Variants in PRKG1 observed in about 807,000 individuals in gnomAD.
PRKG1 encodes cGMP-dependent protein kinase 1.
PRKG1 carries 35 observed loss-of-function variants against 88.1 expected under a neutral mutation model. That is an observed-to-expected ratio of 0.40 (90% confidence interval 0.30 to 0.53). The LOEUF (loss-of-function observed/expected upper bound fraction) is 0.53, where lower values mean the gene tolerates loss of function less well. PRKG1 is among the 20% of genes least tolerant of loss of function. The probability of loss-of-function intolerance (pLI) is 0.59; values close to 1 mark genes in which losing one functional copy is unlikely to be tolerated. For synonymous variants in PRKG1, 303 were observed against 292.5 expected (o/e 1.04, Z -0.37); for missense variants, 540 against 839.8 (o/e 0.64, Z 4.41).
At chr10:51,262,593 CGCT>C (rs1312921486) in intron 2 of PRKG1, among the ~76,000 whole-genome samples, 1 of 152,132 alleles carries the variant, frequency 6.6e-6, no homozygotes, top group Non-Finnish European at 1.5e-5. Flanking sequence ...TCCATTCTCT[CGCT>C]GCTATTAAAA....
At chr10:51,132,717 A>G (rs1436077038) in intron 1 of PRKG1, among the ~76,000 whole-genome samples, 9 of 147,848 alleles carry the variant, frequency 6.1e-5, no homozygotes, top group African/African-American at 9.8e-5. Flanking sequence ...TGTTATATAT[A>G]TATTATATAT....
chr10:51,924,729 G>A (rs76730326), intron 5 of PRKG1, among the ~76,000 whole-genome samples: 2 of 102,700 alleles, frequency 1.9e-5, no homozygotes, highest in Non-Finnish European at 4.1e-5. Flanking sequence ...TTTTTTTTTT[G>A]TCATTCCTGT....
intron 5 of PRKG1, among the ~76,000 whole-genome samples, chr10:51,927,503 C>A (rs144244015): frequency 6.6e-6 from 1 of 152,114 alleles, no homozygotes; most frequent in Non-Finnish European, 1.5e-5. Flanking sequence ...GAAACCTGCA[C>A]GTTAAATAGT....
intron 3 of PRKG1, among the ~76,000 whole-genome samples, chr10:51,567,080 A>G (rs1462986977): frequency 6.6e-6 from 1 of 152,112 alleles, no homozygotes; most frequent in East Asian, 1.9e-4. Flanking sequence ...TTTATAAATG[A>G]TACCACAATA....
At chr10:52,157,775 C>T (rs190475826) in intron 8 of PRKG1, among the ~76,000 whole-genome samples, 1 of 151,470 alleles carries the variant, frequency 6.6e-6, no homozygotes, top group East Asian at 1.9e-4. Flanking sequence ...TTCACTCTTT[C>T]CTTCTTCCCT....
intron 2 of PRKG1, among the ~76,000 whole-genome samples, chr10:51,457,022 G>T (rs539993234): frequency 1.3e-5 from 2 of 152,304 alleles, no homozygotes; most frequent in African/African-American, 2.4e-5. Context: ...ATGGAAAACA[G>T]TATGGGGATT....
chr10:51,561,652 G>A (rs117386644), intron 3 of PRKG1, among the ~76,000 whole-genome samples: 3,425 of 152,122 alleles, frequency 0.023, 52 homozygotes, highest in Middle Eastern at 0.044. Flanking sequence ...GTGGGGAGAG[G>A]AAAGTGGGGA....
chr10:51,016,737 C>T (rs559324692), intron 1 of PRKG1, among the ~76,000 whole-genome samples: 9 of 118,724 alleles, frequency 7.6e-5, no homozygotes, highest in African/African-American at 1.3e-4. Flanking sequence ...GGCGCGATCT[C>T]GGCTCACTGG....
chr10:52,068,845 G>A (rs11000679), intron 7 of PRKG1, among the ~76,000 whole-genome samples: 26,288 of 152,116 alleles, frequency 0.17, 2,860 homozygotes, highest in South Asian at 0.28. Context: ...ATTGAACTAG[G>A]TGATCTTTAA....
At chr10:51,826,060 G>C (rs761918155) in intron 4 of PRKG1, among the ~76,000 whole-genome samples, 11 of 152,104 alleles carry the variant, frequency 7.2e-5, no homozygotes, top group Admixed American at 3.3e-4. Context: ...AAGCTATTAG[G>C]GTAAGGGGCC....
chr10:51,285,783 T>A (rs1370575426), intron 2 of PRKG1, among the ~76,000 whole-genome samples: 2 of 152,098 alleles, frequency 1.3e-5, no homozygotes, highest in Non-Finnish European at 2.9e-5. Context: ...CAAAGTGATA[T>A]GCACAGAGGT....
At chr10:52,240,664 T>C (rs1840836702) in intron 9 of PRKG1, among the ~76,000 whole-genome samples, 1 of 152,142 alleles carries the variant, frequency 6.6e-6, no homozygotes, top group Non-Finnish European at 1.5e-5. Flanking sequence ...ATTCATTTGA[T>C]TAACGCACCG....
chr10:52,108,995 T>C (rs890938382), intron 7 of PRKG1, among the ~76,000 whole-genome samples: 3 of 151,932 alleles, frequency 2.0e-5, no homozygotes, highest in African/African-American at 7.3e-5. Flanking sequence ...ACCCAGCTAA[T>C]TTTTGTATTT....
At chr10:51,059,396 T>G (rs1843669595) in intron 1 of PRKG1, among the ~76,000 whole-genome samples, 1 of 152,122 alleles carries the variant, frequency 6.6e-6, no homozygotes, top group Non-Finnish European at 1.5e-5. Flanking sequence ...ATTCATTTAT[T>G]CATTTATTTA....
intron 5 of PRKG1, among the ~76,000 whole-genome samples, chr10:52,033,464 G>C (rs1845522351): frequency 6.6e-6 from 1 of 151,936 alleles, no homozygotes; most frequent in Non-Finnish European, 1.5e-5. Flanking sequence ...TCTCTTTCTG[G>C]GTTCCATTGC....
intron 4 of PRKG1, among the ~76,000 whole-genome samples, chr10:51,817,424 C>A (rs776705494): frequency 2.7e-5 from 4 of 150,466 alleles, no homozygotes; most frequent in African/African-American, 9.7e-5. Flanking sequence ...GTTCAACTCC[C>A]GCTTATGAGT....
At chr10:51,120,425 A>G (rs781365690) in intron 1 of PRKG1, among the ~76,000 whole-genome samples, 1 of 152,108 alleles carries the variant, frequency 6.6e-6, no homozygotes, top group Non-Finnish European at 1.5e-5. Flanking sequence ...CACATATATC[A>G]CTATTTTTTT....
intron 3 of PRKG1, among the ~76,000 whole-genome samples, chr10:51,801,266 G>A (rs369931210): frequency 1.3e-5 from 2 of 152,090 alleles, no homozygotes; most frequent in East Asian, 1.9e-4. Flanking sequence ...GCATGGCCGT[G>A]TTCCAGTAAG....
chr10:51,855,066 G>A (rs111684330), intron 4 of PRKG1, among the ~76,000 whole-genome samples: 94 of 152,224 alleles, frequency 6.2e-4, no homozygotes, highest in African/African-American at 1.9e-3. Context: ...AGTGCAATTC[G>A]GTGATTTGAA....
Sources: gnomAD v4.1 joint callset for allele counts (sites outside exome capture counted in the v4.1 genomes callset) on GRCh38, gnomAD v4.1.1 for gene constraint, MANE v1.5 for transcripts, NCBI Gene and HGNC (gene_info 2026-07-23, HGNC 2026-07-21) for gene names.